HAUS6: variants seen among roughly 807,000 people sequenced by gnomAD.
The protein encoded by HAUS6 is HAUS augmin like complex subunit 6.
In HAUS6, 80 loss-of-function variants were observed where a neutral mutation model predicts 106.8. The observed-to-expected ratio is 0.75, with a 90% CI of 0.63 to 0.90. HAUS6 has a LOEUF of 0.90. Ranked by LOEUF, HAUS6 falls within the 40% of genes least tolerant of loss-of-function variation. The pLI, the probability that HAUS6 is intolerant of heterozygous loss-of-function variation, is 0.00. For synonymous variants in HAUS6, 356 were observed against 379.1 expected (o/e 0.94, Z 0.71); for missense variants, 1,155 against 1,118.1 (o/e 1.03, Z -0.47).
intron 4 of HAUS6, among the ~76,000 whole-genome samples, chr9:19,091,607 G>C (rs771116221): frequency 1.4e-4 from 22 of 151,988 alleles, no homozygotes; most frequent in Non-Finnish European, 1.8e-4. Flanking sequence ...TTGAGACCAG[G>C]AGTTCGAATC....
intron 1 of HAUS6, among the ~76,000 whole-genome samples, chr9:19,100,975 G>T (rs1817974475): frequency 1.3e-5 from 2 of 152,088 alleles, no homozygotes; most frequent in Admixed American, 1.3e-4. Context: ...GTTGATTAAT[G>T]GGTACAAATA....
chr9:19,061,148 G>C (rs1836608508), intron 14 of HAUS6, among the ~76,000 whole-genome samples: 1 of 152,070 alleles, frequency 6.6e-6, no homozygotes, highest in South Asian at 2.1e-4. Flanking sequence ...TGGGCAACAA[G>C]TGCAAAACTC....
chr9:19,072,448 G>A (rs1484303648), intron 11 of HAUS6, among the ~76,000 whole-genome samples: 1 of 152,028 alleles, frequency 6.6e-6, no homozygotes, highest in East Asian at 1.9e-4. Context: ...GGGAGGCAGA[G>A]GTTGCAGTGA....
intron 3 of HAUS6, 135 bp downstream of exon 3, chr9:19,094,182 C>T: frequency 1.9e-6 from 1 of 531,114 alleles, no homozygotes; most frequent in Non-Finnish European, 3.3e-6. Flanking sequence ...TCAAAGAAGA[C>T]TATTTTAACT....
intron 4 of HAUS6, among the ~76,000 whole-genome samples, chr9:19,092,930 A>G (rs1042038834): frequency 1.3e-5 from 2 of 151,722 alleles, no homozygotes; most frequent in Non-Finnish European, 2.9e-5. Flanking sequence ...AAAAAAAAAA[A>G]AAAGAAATGT....
At chr9:19,089,198 G>T (rs531491206) in intron 5 of HAUS6, among the ~76,000 whole-genome samples, 2 of 152,042 alleles carry the variant, frequency 1.3e-5, no homozygotes, top group African/African-American at 4.8e-5. Flanking sequence ...AGCCGACATC[G>T]CGCCACTGCA....
intron 8 of HAUS6, among the ~76,000 whole-genome samples, chr9:19,080,987 G>T (rs559167337): frequency 3.9e-5 from 6 of 151,928 alleles, no homozygotes; most frequent in Non-Finnish European, 2.9e-5. Context: ...CAGGAGAATC[G>T]CTTGAACCCA....
At chr9:19,093,075 C>A (rs1817788709) in intron 4 of HAUS6, 96 bp downstream of exon 4, 2 of 890,462 alleles carry the variant, frequency 2.2e-6, no homozygotes, top group Non-Finnish European at 1.7e-6. Context: ...TTTAACTTAC[C>A]TTGATTTTAC....
chr9:19,061,929 T>C (rs549144187), intron 14 of HAUS6, among the ~76,000 whole-genome samples: 2 of 152,352 alleles, frequency 1.3e-5, no homozygotes, highest in East Asian at 3.9e-4. Context: ...GGAACTCTAA[T>C]ACCTGAATTA....
intron 11 of HAUS6, among the ~76,000 whole-genome samples, chr9:19,075,748 G>GCT (rs1461053184): frequency 6.6e-6 from 1 of 152,084 alleles, no homozygotes. Flanking sequence ...GAGGTCAGGA[G>GCT]CTCAAGACCA....
chr9:19,083,663 G>A (rs1416940941), intron 7 of HAUS6, among the ~76,000 whole-genome samples: 2 of 151,840 alleles, frequency 1.3e-5, no homozygotes, highest in African/African-American at 4.8e-5. Flanking sequence ...TTAGCCAGGC[G>A]TGGTGGCAGG....
intron 10 of HAUS6, among the ~76,000 whole-genome samples, chr9:19,076,943 A>C (rs1837022438): frequency 6.6e-6 from 1 of 152,152 alleles, no homozygotes; most frequent in Non-Finnish European, 1.5e-5. Context: ...TCCTGGACTT[A>C]AGCAGTCCTC....
chr9:19,057,732 G>T (rs1836503949), intron 16 of HAUS6: 2 of 428,248 alleles, frequency 4.7e-6, no homozygotes, highest in Non-Finnish European at 8.2e-6. Context: ...CTTCAGATTG[G>T]GGGGGCTTTT....
At chr9:19,056,991 G>A (rs1374314840) in intron 16 of HAUS6, 1 of 152,106 alleles carries the variant, frequency 6.6e-6, no homozygotes, top group African/African-American at 2.4e-5. Context: ...CTCTCTTAAT[G>A]AGCTACAAGA....
intron 11 of HAUS6, among the ~76,000 whole-genome samples, chr9:19,072,014 G>GCCAACATGATGAAA (rs546396655): frequency 0.039 from 5,908 of 150,982 alleles, 130 homozygotes; most frequent in Non-Finnish European, 0.051. Flanking sequence ...GACCAGCCTG[G>GCCAACATGATGAAA]CCCCGTCTCT....
At chr9:19,071,568 A>AT (rs1421720326) in intron 11 of HAUS6, among the ~76,000 whole-genome samples, 68 of 118,560 alleles carry the variant, frequency 5.7e-4, no homozygotes, top group African/African-American at 2.1e-3. Context: ...AAAGAAAAAT[A>AT]TTTTCTTTTT....
intron 1 of HAUS6, among the ~76,000 whole-genome samples, chr9:19,099,286 C>A (rs1414749075): frequency 1.3e-5 from 2 of 151,512 alleles, no homozygotes; most frequent in Non-Finnish European, 2.9e-5. Context: ...CCTGCCTCAG[C>A]CTCCCGAATA....
chr9:19,058,906 A>C lies in HAUS6; in HGVS notation c.1861T>G (p.Leu621Val). ...IQMDAEHREV[L>V]PESLPVLHNQ... ...TGCAACACAGGTAATGATTCTGGCA[A>C]TACTTCTCTATGTTCAGCATCCATT... Residue 621 changes from leucine (L) to valine (V), a missense_variant, in exon 16 of 17, where the codon TTG (leucine) becomes GTG (valine). Coordinates refer to ENST00000380502, the MANE Select transcript of HAUS6 (RefSeq NM_017645.5). 1 of 1,581,686 alleles carries C rather than the reference A, an allele frequency of 6.3e-7. No individual in the cohort carries two copies. Among genetic ancestry groups the C allele is most frequent in the Non-Finnish European group, 8.7e-7 (1 of 1,150,352 alleles).
intron 8 of HAUS6, 97 bp downstream of exon 8, chr9:19,082,776 C>A (rs1837187737): frequency 4.3e-6 from 3 of 693,752 alleles, no homozygotes; most frequent in Non-Finnish European, 4.3e-6. Context: ...AAACAAAAAA[C>A]AAAAAACAAA....
Sources: allele counts gnomAD v4.1 joint callset (sites outside exome capture counted in the v4.1 genomes callset), GRCh38; gene constraint gnomAD v4.1.1; transcripts MANE v1.5; gene names NCBI Gene and HGNC (gene_info 2026-07-23, HGNC 2026-07-21).